SLC19A1: variants seen among roughly 807,000 people sequenced by gnomAD.
SLC19A1 encodes reduced folate transporter.
Under a neutral mutation model 35.3 loss-of-function variants are expected in SLC19A1, and 37 were observed. The observed-to-expected ratio is 1.05, with a 90% CI of 0.81 to 1.38. The LOEUF (loss-of-function observed/expected upper bound fraction) is 1.38, where lower values mean the gene tolerates loss of function less well. SLC19A1 is among the 40% of genes most tolerant of loss of function. SLC19A1 has a pLI of 0.00. For missense variants in SLC19A1, 831 were observed against 826.9 expected, an observed-to-expected ratio of 1.00 and a Z score of -0.06; for synonymous variants, 460 against 398.5, an observed-to-expected ratio of 1.15 and a Z score of -1.84.
In SLC19A1 at chr21:45,536,824, G is replaced by T. The variant is rs1222623827; in HGVS notation, c.189+947C>A. Among the ~76,000 whole-genome samples the T allele has an allele frequency of 1.3e-5, 2 of 152,276 alleles. 1 individual carries two copies. The highest frequency in any genetic ancestry group is 4.1e-4 in the South Asian group (2 of 4,830). ...AGCAGGCCCAGGGCCCTGGGATGGG[G>T]TGTCGGGGTGACCAGCTGGGCCGGC... On this transcript the variant is annotated intron_variant, in intron 2 of 5. Transcript: ENST00000311124.
At chr21:45,512,239 C>G (rs372279165), downstream of SLC19A1, 2 of 1,612,450 alleles carry the variant, frequency 1.2e-6, no homozygotes, top group African/African-American at 2.7e-5. Context: ...GCAGGCTGAC[C>G]GAGAGCTACT....
At chr21:45,523,313 C>G (rs919009421) in intron 5 of SLC19A1, among the ~76,000 whole-genome samples, 3 of 152,218 alleles carry the variant, frequency 2.0e-5, no homozygotes, top group Non-Finnish European at 4.4e-5. Context: ...AACTTTTTAA[C>G]CTAGAAATCA....
chr21:45,511,742 C>A (rs2037621076), downstream of SLC19A1, among the ~76,000 whole-genome samples: 1 of 152,192 alleles, frequency 6.6e-6, no homozygotes, highest in Admixed American at 6.5e-5. Context: ...CAGCGTGTCC[C>A]CAGCAGTGCC....
chr21:45,549,144 T>C (rs1216584599), upstream of SLC19A1, among the ~76,000 whole-genome samples: 2 of 152,234 alleles, frequency 1.3e-5, no homozygotes, highest in East Asian at 3.8e-4. Context: ...ATATCCATTA[T>C]GGGATGAAGG....
At position 45,513,635 on chromosome 21, in the gene SLC19A1, C is replaced by G. The variant is rs115900328; in HGVS notation, c.*2023G>C. On this transcript the variant is annotated 3_prime_UTR_variant, in exon 6 of 6. Transcript: ENST00000311124. ...CCAACACGCACCTGCCTCAGGACTG[C>G]GACGAAACCGGTGGGGCTGGTTCTG... The G allele has an allele frequency of 1.3e-5, 2 of 152,232 alleles. No homozygotes were observed. Among genetic ancestry groups the G allele is most frequent in the South Asian group, 2.1e-4 (1 of 4,830 alleles). 9.4% of individuals were successfully genotyped at this position (152,232 alleles called of 1,614,324 possible). A position where few individuals can be genotyped will look rare whatever the true frequency, so the allele number is the denominator to read the frequency against.
At chr21:45,508,125 GGGTGGGTGGGTGGATGGAAA>G (rs1568948178), downstream of SLC19A1, among the ~76,000 whole-genome samples, 2 of 151,268 alleles carry the variant, frequency 1.3e-5, no homozygotes, top group East Asian at 2.0e-4. Flanking sequence ...GTGAGTGGAC[GGGTGGGTGGGTGGATGGAAA>G]GGTGGGTGAG....
At chr21:45,509,137 C>A (rs2037420947), downstream of SLC19A1, among the ~76,000 whole-genome samples, 1 of 152,076 alleles carries the variant, frequency 6.6e-6, no homozygotes, top group Non-Finnish European at 1.5e-5. Flanking sequence ...GTCTGTGGGG[C>A]CTGAGCAGAG....
In SLC19A1 at chr21:45,515,972, C is replaced by CCTGCACGCTCA; in HGVS notation, c.1451_1461dup (p.Asp488Ter). 6.4e-7 allele frequency: 1 copy of CCTGCACGCTCA among 1,551,948 alleles called. No individual in the cohort carries two copies. The highest frequency in any genetic ancestry group is 8.7e-7 in the Non-Finnish European group (1 of 1,149,008). On this transcript the variant is annotated stop_gained and frameshift_variant, in exon 6 of 6. Transcript: ENST00000311124. LOFTEE classifies it low-confidence loss of function (END_TRUNC). Reference sequence around the variant, plus strand: ...GGCTGCAGGCCTCCGAGGCCCTTGTCCTGCACGCTCAGTGCCTGTGCTGCC... The same window carrying CCTGCACGCTCA: ...GGCTGCAGGCCTCCGAGGCCCTTGTCCTGCACGCTCACTGCACGCTCAGTGCCTGTGCTGCC...
At chr21:45,555,069 G>C (rs1480704665) in intron 1 of SLC19A1, among the ~76,000 whole-genome samples, 1 of 150,200 alleles carries the variant, frequency 6.7e-6, no homozygotes, top group South Asian at 2.1e-4. Flanking sequence ...ACGCAACGCG[G>C]GGAGTGGCCA....
chr21:45,553,365 C>T (rs1397905163), intron 1 of SLC19A1, among the ~76,000 whole-genome samples: 1 of 151,978 alleles, frequency 6.6e-6, no homozygotes, highest in Non-Finnish European at 1.5e-5. Context: ...GGATAAAGTC[C>T]AGAGGAGCCA....
chr21:45,512,281 C>A (rs2037657772), downstream of SLC19A1: 1 of 1,612,060 alleles, frequency 6.2e-7, no homozygotes, highest in Non-Finnish European at 8.5e-7. Context: ...CTCCCTCGGC[C>A]ACGGGCCAGG....
At chr21:45,551,514 A>T (rs914005149) in intron 1 of SLC19A1, among the ~76,000 whole-genome samples, 15 of 152,246 alleles carry the variant, frequency 9.9e-5, no homozygotes, top group Middle Eastern at 3.4e-3. Flanking sequence ...GTAGGACGTG[A>T]TTTTTGCTTG....
chr21:45,507,563 G>A (rs1257836681), intron 3 of SLC19A1: 1 of 1,612,204 alleles, frequency 6.2e-7, no homozygotes, highest in Non-Finnish European at 8.5e-7. Flanking sequence ...TCTTCCAGCT[G>A]GAGGCCCGGA....
intron 5 of SLC19A1, among the ~76,000 whole-genome samples, chr21:45,524,807 C>A (rs961195809): frequency 3.4e-5 from 5 of 145,136 alleles, no homozygotes; most frequent in African/African-American, 1.3e-4. Flanking sequence ...GCCTTGGAGG[C>A]TCACCTGCCC....
At chr21:45,508,358 GTGAGTGGA>G (rs1236393072), downstream of SLC19A1, among the ~76,000 whole-genome samples, 3 of 150,776 alleles carry the variant, frequency 2.0e-5, no homozygotes, top group African/African-American at 4.9e-5. Context: ...GGACAAGTGG[GTGAGTGGA>G]TGGGTGGATG....
At chr21:45,537,699 G>A (rs1467097092) in intron 2 of SLC19A1, 72 bp downstream of exon 2, 6 of 1,152,328 alleles carry the variant, frequency 5.2e-6, no homozygotes, top group African/African-American at 3.5e-5. Flanking sequence ...CGGCGCCCAC[G>A]TGCCTATTCC....
intron 1 of SLC19A1, among the ~76,000 whole-genome samples, chr21:45,558,405 T>C (rs1005880414): frequency 6.6e-6 from 1 of 152,184 alleles, no homozygotes; most frequent in African/African-American, 2.4e-5. Flanking sequence ...TTCGCCCCAT[T>C]GTCACTGCAG....
At chr21:45,543,281 T>C (rs998845593), upstream of SLC19A1, among the ~76,000 whole-genome samples, 1 of 152,142 alleles carries the variant, frequency 6.6e-6, no homozygotes, top group Non-Finnish European at 1.5e-5. Flanking sequence ...GTGGGGGGCC[T>C]CAGGGTCACT....
intron 3 of SLC19A1, chr21:45,505,786 T>TTCCCCCCCC: frequency 1.1e-6 from 1 of 939,198 alleles, no homozygotes; most frequent in Admixed American, 2.1e-5. Flanking sequence ...CTTCCGCCCC[T>TTCCCCCCCC]GCCCCCCGCC....
Sources: allele counts gnomAD v4.1 joint callset (sites outside exome capture counted in the v4.1 genomes callset), GRCh38; gene constraint gnomAD v4.1.1; transcripts MANE v1.5; gene names NCBI Gene and HGNC (gene_info 2026-07-23, HGNC 2026-07-21).